The following TPST2 variants were observed in gnomAD, a reference collection of about 807,000 sequenced individuals.
The protein encoded by TPST2 is tyrosylprotein sulfotransferase 2, also known as protein-tyrosine sulfotransferase 2.
A neutral mutation model predicts 27.8 loss-of-function variants in TPST2; 16 were observed. The observed-to-expected ratio is 0.58, with a 90% CI of 0.39 to 0.88. The LOEUF (loss-of-function observed/expected upper bound fraction) is 0.88. Among genes scored for constraint, TPST2 ranks in the 40% least tolerant of loss-of-function variants. The pLI is 0.00. For missense variants in TPST2, 464 were observed against 543.1 expected (o/e 0.85, Z 1.45); for synonymous variants, 229 against 231.7 (o/e 0.99, Z 0.10).
chr22:26,578,463 G>C (rs1018571696), intron 1 of TPST2, among the ~76,000 whole-genome samples: 2 of 152,080 alleles, frequency 1.3e-5, no homozygotes, highest in South Asian at 4.1e-4. Context: ...CTCCATCCAC[G>C]GTGAGGTCAG....
At chr22:26,563,020 A>C (rs1927197219) in intron 1 of TPST2, among the ~76,000 whole-genome samples, 1 of 152,192 alleles carries the variant, frequency 6.6e-6, no homozygotes, top group Admixed American at 6.5e-5. Context: ...ATGCCCAGGT[A>C]ATCCCCAGCA....
chr22:26,533,970 C>T (rs1399850540), intron 4 of TPST2, among the ~76,000 whole-genome samples: 1 of 152,166 alleles, frequency 6.6e-6, no homozygotes. Flanking sequence ...CCATCATGTC[C>T]AGCCTATGTA....
chr22:26,568,166 T>C (rs889124443), intron 1 of TPST2, among the ~76,000 whole-genome samples: 2 of 152,240 alleles, frequency 1.3e-5, no homozygotes, highest in African/African-American at 2.4e-5. Flanking sequence ...CAAATGCCCA[T>C]TGGCAATAGA....
At chr22:26,583,769 G>C (rs145140724) in intron 1 of TPST2, among the ~76,000 whole-genome samples, 2 of 152,294 alleles carry the variant, frequency 1.3e-5, no homozygotes, top group East Asian at 3.9e-4. Flanking sequence ...GAACCCAGGA[G>C]ACGGAGGTTG....
At position 26,536,494 on chromosome 22, in the gene TPST2, G is replaced by C. The variant is rs1367057091; in HGVS notation, c.843-8C>G. ...TCCGTGGACCGCTCGATCCTGGGGA[G>C]AGAGGAGACGCTGGAGAGGGTAGGG... On this transcript the variant is annotated splice_region_variant and splice_polypyrimidine_tract_variant and intron_variant, in intron 3 of 6. Coordinates refer to ENST00000338754, the MANE Select transcript of TPST2 (RefSeq NM_003595.5). The C allele has an allele frequency of 6.6e-7, 1 of 1,511,084 alleles. No individual in the cohort carries two copies. The highest frequency in any genetic ancestry group is 2.2e-5 in the Admixed American group (1 of 44,472). 93.6% of individuals were successfully genotyped at this position (1,511,084 alleles called of 1,614,324 possible).
Position 26,541,732 on chromosome 22 carries a change from G to C in TPST2, c.-88-14C>G. On this transcript the variant is annotated splice_polypyrimidine_tract_variant and intron_variant, in intron 2 of 6. Transcript: ENST00000338754. This position sits in a 1 kb window ranked among gnomAD's most constrained non-coding sequence, Gnocchi z 5.9. ...CCAGGCTCACATCTGGGGAGAGAGG[G>C]GGACATGCATAGTCAGGGAGGTCTG... 6.9e-7 allele frequency: 1 copy of C among 1,452,714 alleles called. No homozygotes were observed. Among genetic ancestry groups the C allele is most frequent in the Non-Finnish European group, 9.0e-7 (1 of 1,109,178 alleles). The allele number at this position is 1,452,714 out of a possible 1,614,324, so 90.0% of individuals were successfully genotyped here.
chr22:26,559,133 G>A (rs1436007108), intron 1 of TPST2, among the ~76,000 whole-genome samples: 4 of 152,244 alleles, frequency 2.6e-5, no homozygotes, highest in African/African-American at 4.8e-5. Context: ...ACGGGAGGCC[G>A]AGGCAGGCGA....
At chr22:26,564,701 C>G (rs1927297085) in intron 1 of TPST2, among the ~76,000 whole-genome samples, 1 of 152,206 alleles carries the variant, frequency 6.6e-6, no homozygotes, top group South Asian at 2.1e-4. Flanking sequence ...TTTTATTCAA[C>G]TTACTATAGC....
chr22:26,574,433 G>C (rs1265417897), intron 1 of TPST2, among the ~76,000 whole-genome samples: 1 of 152,172 alleles, frequency 6.6e-6, no homozygotes, highest in Non-Finnish European at 1.5e-5. Flanking sequence ...TGACTTGAGA[G>C]TTGCTATCAT....
At chr22:26,530,550 T>G (rs1467201002) in intron 5 of TPST2, among the ~76,000 whole-genome samples, 1 of 149,314 alleles carries the variant, frequency 6.7e-6, no homozygotes, top group African/African-American at 2.5e-5. Context: ...GAATCATGCT[T>G]GAACCCGGGA....
chr22:26,562,127 C>T (rs535279494), intron 1 of TPST2, among the ~76,000 whole-genome samples: 4 of 152,328 alleles, frequency 2.6e-5, no homozygotes, highest in African/African-American at 4.8e-5. Flanking sequence ...CCCAGCGGCC[C>T]GGCGGGGGCC....
rs1569193709 is a variant in TPST2 at position 26,569,980 on chromosome 22, GAAAAGAAAGAAAAAGAAAGAAAGAAA to G, written c.-161+20047_-161+20072del. Among the ~76,000 whole-genome samples the G allele has an allele frequency of 2.0e-4, 4 of 19,952 alleles. No homozygotes were observed. In the East Asian group the frequency reaches 5.0e-3, roughly 25 times the overall value. The allele number at this position is 19,952 out of a possible 152,430, so 13.1% of individuals were successfully genotyped here. A position where few individuals can be genotyped will look rare whatever the true frequency, so the allele number is the denominator to read the frequency against. On this transcript the variant is annotated intron_variant, in intron 1 of 6. Transcript: ENST00000338754. Reference sequence around the variant, plus strand: ...AAAAAAAAAAAAAGGAAGAAAGAAAGAAAAGAAAGAAAAAGAAAGAAAGAAAGAAAGAAAGAAAGAAAGAAAGAAAG... The same window carrying G: ...AAAAAAAAAAAAAGGAAGAAAGAAAGGAAAGAAAGAAAGAAAGAAAGAAAG...
At chr22:26,579,961 C>T (rs1928030819) in intron 1 of TPST2, among the ~76,000 whole-genome samples, 1 of 151,976 alleles carries the variant, frequency 6.6e-6, no homozygotes, top group Non-Finnish European at 1.5e-5. Context: ...GAAACCAAGA[C>T]AAGTTGGGTA....
At chr22:26,576,594 G>A (rs1385173470) in intron 1 of TPST2, among the ~76,000 whole-genome samples, 2 of 152,074 alleles carry the variant, frequency 1.3e-5, no homozygotes, top group African/African-American at 2.4e-5. Context: ...TTTGGAGAAT[G>A]GCAAGGAATT....
chr22:26,522,986 AGGAGTTAGAGGTTG>A lies in TPST2; in HGVS notation c.*3275_*3288del. 3 of 152,296 alleles carry A rather than the reference AGGAGTTAGAGGTTG, an allele frequency of 2.0e-5. No individual in the cohort carries two copies. The highest frequency in any genetic ancestry group is 7.2e-5 in the African/African-American group (3 of 41,466). 9.4% of individuals were successfully genotyped at this position (152,296 alleles called of 1,614,324 possible). A position where few individuals can be genotyped will look rare whatever the true frequency, so the allele number is the denominator to read the frequency against. On this transcript the variant is annotated 3_prime_UTR_variant, in exon 7 of 7. Coordinates refer to ENST00000338754, the MANE Select transcript of TPST2 (RefSeq NM_003595.5). ...TGAGGTGAAAGGACTGCTTGAGCCC[AGGAGTTAGAGGTTG>A]CAGTGAGCTGTGTTTGCAGGAGTTA...
chr22:26,547,344 C>G (rs1168805099), intron 1 of TPST2, among the ~76,000 whole-genome samples: 4 of 152,172 alleles, frequency 2.6e-5, no homozygotes, highest in African/African-American at 9.7e-5. Flanking sequence ...AAGCAATACT[C>G]TTGCCTGTGC....
rs1925762417 is a variant in TPST2 at position 26,540,901 on chromosome 22, G to A, written c.730C>T (p.His244Tyr). 6 of 1,614,204 alleles carry A rather than the reference G, an allele frequency of 3.7e-6. No individual in the cohort carries two copies. Among genetic ancestry groups the A allele is most frequent in the Non-Finnish European group, 4.2e-6 (5 of 1,180,044 alleles). The change falls in exon 3 of 7, where the codon CAC becomes TAC. Residue 244 changes from histidine (H) to tyrosine (Y), a missense_variant. His to Tyr is a moderately conservative substitution (Grantham distance 83, BLOSUM62 2). Transcript: ENST00000338754. ...ATGAGCTTGAGTGAGCGCCTGGGGT[G>A]CAGCACCAGCTGCTCGTAGTACACA... is the stretch of plus-strand genomic sequence containing the variant. Reference protein sequence around the residue: ...LPVYYEQLVLHPRRSLKLILD... With the variant: ...LPVYYEQLVLYPRRSLKLILD...
intron 1 of TPST2, among the ~76,000 whole-genome samples, chr22:26,558,814 C>T (rs1926935270): frequency 6.6e-6 from 1 of 152,118 alleles, no homozygotes; most frequent in South Asian, 2.1e-4. Flanking sequence ...AATAATGTTT[C>T]AATGCAATCT....
intron 1 of TPST2, among the ~76,000 whole-genome samples, chr22:26,569,424 T>C (rs1927512289): frequency 6.6e-6 from 1 of 152,190 alleles, no homozygotes; most frequent in African/African-American, 2.4e-5. Context: ...CTTTTGAAAA[T>C]TCATTGAGCT....
Sources: allele counts gnomAD v4.1 joint callset (sites outside exome capture counted in the v4.1 genomes callset), GRCh38; gene constraint gnomAD v4.1.1; non-coding constraint Gnocchi (gnomAD v3.1); transcripts MANE v1.5; gene names NCBI Gene and HGNC (gene_info 2026-07-23, HGNC 2026-07-21).